CDH18: variants seen among roughly 807,000 people sequenced by gnomAD.
The protein encoded by CDH18 is cadherin-18.
In CDH18, 31 loss-of-function variants were observed where a neutral mutation model predicts 67.9. That is an observed-to-expected ratio of 0.46 (90% confidence interval 0.34 to 0.62). CDH18 has a LOEUF of 0.62. Ranked by LOEUF, CDH18 falls within the 20% of genes least tolerant of loss-of-function variation. The pLI is 0.01. For missense variants in CDH18, 890 were observed against 975.5 expected, an observed-to-expected ratio of 0.91 and a Z score of 1.17; for synonymous variants, 362 against 347.2, an observed-to-expected ratio of 1.04 and a Z score of -0.48.
intron 1 of CDH18, among the ~76,000 whole-genome samples, chr5:20,437,914 C>T (rs1580997343): frequency 6.6e-6 from 1 of 151,320 alleles, no homozygotes; most frequent in Non-Finnish European, 1.5e-5. Flanking sequence ...CCATTTCAAT[C>T]TGCTTAAGGA....
At chr5:20,357,160 A>G (rs1741703603) in intron 1 of CDH18, among the ~76,000 whole-genome samples, 1 of 152,086 alleles carries the variant, frequency 6.6e-6, no homozygotes, top group South Asian at 2.1e-4. Flanking sequence ...TTATATAAAA[A>G]TGAGAATGCA....
chr5:19,755,154 CAAGATCATAGCAGAACTAAATGA>C (rs1771362234), intron 3 of CDH18, among the ~76,000 whole-genome samples: 2 of 148,390 alleles, frequency 1.3e-5, no homozygotes, highest in East Asian at 4.0e-4. Context: ...AGGAAATAAC[CAAGATCATAGCAGAACTAAATGA>C]AATAAAAACA....
intron 1 of CDH18, among the ~76,000 whole-genome samples, chr5:20,479,182 A>G (rs917249797): frequency 8.5e-5 from 13 of 152,160 alleles, no homozygotes; most frequent in Admixed American, 7.2e-4. Flanking sequence ...AGCCTAAAAC[A>G]AATAGGTAAC....
intron 9 of CDH18, among the ~76,000 whole-genome samples, chr5:19,534,069 A>C (rs552980405): frequency 6.6e-6 from 1 of 152,186 alleles, no homozygotes; most frequent in Non-Finnish European, 1.5e-5. Flanking sequence ...GTATTGGCAC[A>C]TTAAGTAAAT....
chr5:19,831,033 G>T (rs1429731380), intron 3 of CDH18, among the ~76,000 whole-genome samples: 4 of 152,064 alleles, frequency 2.6e-5, no homozygotes, highest in Non-Finnish European at 5.9e-5. Context: ...TGGAGTCTTT[G>T]TGAGAGTGAA....
chr5:20,262,318 C>T (rs935883570), intron 1 of CDH18, among the ~76,000 whole-genome samples: 1 of 152,118 alleles, frequency 6.6e-6, no homozygotes, highest in African/African-American at 2.4e-5. Flanking sequence ...AAAGGGCTCA[C>T]GGAGCAATAA....
At position 19,910,723 on chromosome 5, in the gene CDH18, T is replaced by C. The variant is rs561340561; in HGVS notation, c.-257+70337A>G. ...TCTATTCAAAAAATAGTTATCTAAG[T>C]CTTACCACGTGTCCTGGACATTGGA... is the stretch of plus-strand genomic sequence containing the variant. On this transcript the variant is annotated intron_variant, in intron 2 of 12. Coordinates refer to ENST00000382275, the MANE Select transcript of CDH18 (RefSeq NM_004934.5). Among the ~76,000 whole-genome samples, 6 of 152,218 alleles carry C rather than the reference T, an allele frequency of 3.9e-5. No individual in the cohort carries two copies. In the East Asian group the frequency reaches 1.2e-3, roughly 29 times the overall value.
chr5:19,594,452 G>A (rs972668903), intron 6 of CDH18, among the ~76,000 whole-genome samples: 4 of 152,034 alleles, frequency 2.6e-5, no homozygotes, highest in African/African-American at 9.7e-5. Flanking sequence ...CGCCCGGCCT[G>A]TTTTTAAAGA....
chr5:19,571,554 T>G, intron 8 of CDH18, 25 bp downstream of exon 8: 1 of 1,598,958 alleles, frequency 6.3e-7, no homozygotes, highest in African/African-American at 1.3e-5. Context: ...TCTTTCTATG[T>G]CTAAACGATT....
At chr5:20,165,929 T>C (rs1206181394) in intron 2 of CDH18, among the ~76,000 whole-genome samples, 1 of 152,114 alleles carries the variant, frequency 6.6e-6, no homozygotes, top group East Asian at 1.9e-4. Context: ...GAAGAAATTT[T>C]AAGAAAAAAA....
At chr5:20,255,725 G>T (rs536604204) in intron 1 of CDH18, among the ~76,000 whole-genome samples, 5 of 151,574 alleles carry the variant, frequency 3.3e-5, no homozygotes, top group Non-Finnish European at 4.4e-5. Flanking sequence ...TTTTAGCTCC[G>T]TCACGTGTTA....
chr5:20,366,370 C>CT (rs1280609276), intron 1 of CDH18, among the ~76,000 whole-genome samples: 1 of 152,188 alleles, frequency 6.6e-6, no homozygotes, highest in Admixed American at 6.5e-5. Flanking sequence ...TCCTGTTCCA[C>CT]TTTTTTTCCT....
chr5:20,408,421 TAA>T (rs1400123996), intron 1 of CDH18, among the ~76,000 whole-genome samples: 1 of 151,710 alleles, frequency 6.6e-6, no homozygotes, highest in African/African-American at 2.4e-5. Context: ...AGAGGTAAAA[TAA>T]AAAGAGATAA....
chr5:20,040,029 A>T, intron 2 of CDH18, among the ~76,000 whole-genome samples: 1 of 152,162 alleles, frequency 6.6e-6, no homozygotes, highest in East Asian at 1.9e-4. Context: ...TCCATCAAAA[A>T]GTGGGCAAAG....
At chr5:19,540,050 A>C (rs1750002671) in intron 9 of CDH18, among the ~76,000 whole-genome samples, 1 of 152,198 alleles carries the variant, frequency 6.6e-6, no homozygotes, top group African/African-American at 2.4e-5. Context: ...CCTTCTGCTT[A>C]TGAGCCTGGA....
intron 2 of CDH18, among the ~76,000 whole-genome samples, chr5:20,183,752 A>G (rs1164157221): frequency 1.3e-5 from 2 of 152,100 alleles, no homozygotes; most frequent in African/African-American, 2.4e-5. Flanking sequence ...TGTGTACTCA[A>G]TGCTGTTACT....
At chr5:20,056,428 A>T (rs1188900436) in intron 2 of CDH18, among the ~76,000 whole-genome samples, 3 of 69,398 alleles carry the variant, frequency 4.3e-5, no homozygotes, top group Admixed American at 2.9e-4. Flanking sequence ...TTTGTCCTCT[A>T]TATGTTCTCA....
intron 1 of CDH18, among the ~76,000 whole-genome samples, chr5:20,479,893 A>C (rs75168911): frequency 0.042 from 6,407 of 152,266 alleles, 392 homozygotes; most frequent in African/African-American, 0.14. Context: ...GCAAGAGAAA[A>C]GGAAGAAAAA....
At position 19,571,812 on chromosome 5, in the gene CDH18, C is replaced by G; in HGVS notation, c.1020G>C (p.Lys340Asn). ...SLKKPLNYEK[K>N]KSYTLNIEGA... The stretch of plus-strand genomic sequence containing the variant: ...CTTCTATGTTGAGGGTATATGACTT[C>G]TTTTTCTCATAGTTCAGTGGCTGTG... Residue 340 changes from lysine (K) to asparagine (N), a missense_variant, in exon 8 of 13, where the codon AAG (lysine) becomes AAC (asparagine). Lys to Asn is a moderately conservative substitution (Grantham distance 94, BLOSUM62 0). Around this residue, in one of 2 missense-constraint regions of CDH18, gnomAD observed 656 missense variants for 668.1 expected, o/e 0.98. Coordinates refer to ENST00000382275, the MANE Select transcript of CDH18 (RefSeq NM_004934.5). 6.2e-7 allele frequency: 1 copy of G among 1,612,158 alleles called. No homozygotes were observed. The highest frequency in any genetic ancestry group is 8.5e-7 in the Non-Finnish European group (1 of 1,178,794).
Sources: gnomAD v4.1 joint callset for allele counts (sites outside exome capture counted in the v4.1 genomes callset) on GRCh38, gnomAD v4.1.1 for gene constraint, gnomAD v4.1.1 regional missense constraint, MANE v1.5 for transcripts, NCBI Gene and HGNC (gene_info 2026-07-23, HGNC 2026-07-21) for gene names.